Variants in LRRTM4 observed in about 807,000 individuals in gnomAD.
LRRTM4 encodes leucine-rich repeat transmembrane neuronal protein 4.
In LRRTM4, 25 loss-of-function variants were observed where a neutral mutation model predicts 47.6. That is an observed-to-expected ratio of 0.53 (90% CI 0.38 to 0.73). LRRTM4 has a LOEUF of 0.73. Ranked by LOEUF, LRRTM4 falls within the 30% of genes least tolerant of loss-of-function variation. LRRTM4 has a pLI of 0.00. For synonymous variants in LRRTM4, 311 were observed against 269.5 expected, an observed-to-expected ratio of 1.15 and a Z score of -1.51; for missense variants, 638 against 713.4, an observed-to-expected ratio of 0.89 and a Z score of 1.20.
At chr2:77,249,785 T>C (rs936604509) in intron 3 of LRRTM4, among the ~76,000 whole-genome samples, 4 of 152,194 alleles carry the variant, frequency 2.6e-5, no homozygotes, top group African/African-American at 9.7e-5. Flanking sequence ...AACATACTTT[T>C]ACCATATGAC....
intron 3 of LRRTM4, among the ~76,000 whole-genome samples, chr2:76,880,155 T>G (rs542343792): frequency 1.3e-5 from 2 of 152,250 alleles, no homozygotes; most frequent in South Asian, 2.1e-4. Flanking sequence ...TTTGAGAGGG[T>G]TGACCCCAGT....
At chr2:77,289,631 A>C (rs1004873676) in intron 3 of LRRTM4, among the ~76,000 whole-genome samples, 4 of 152,034 alleles carry the variant, frequency 2.6e-5, no homozygotes, top group Admixed American at 6.6e-5. Flanking sequence ...TTAGGTTACT[A>C]CCGACAATTT....
chr2:76,912,343 A>G (rs746067123), intron 3 of LRRTM4, among the ~76,000 whole-genome samples: 4 of 152,240 alleles, frequency 2.6e-5, no homozygotes, highest in Admixed American at 6.5e-5. Flanking sequence ...TAAAAATGAT[A>G]TAATATTCCA....
At chr2:76,755,116 A>C (rs1672982554) in intron 3 of LRRTM4, among the ~76,000 whole-genome samples, 2 of 152,172 alleles carry the variant, frequency 1.3e-5, no homozygotes, top group Admixed American at 6.5e-5. Flanking sequence ...GGTCCCTGGT[A>C]CCACTTTCAT....
chr2:77,232,629 A>T (rs1425352991), intron 3 of LRRTM4, among the ~76,000 whole-genome samples: 2 of 152,206 alleles, frequency 1.3e-5, no homozygotes, highest in East Asian at 3.9e-4. Flanking sequence ...ATAGGAGAGG[A>T]TATCTCTGAA....
rs950073173 is a variant in LRRTM4 at position 77,111,572 on chromosome 2, C to T, written c.1552-362656G>A. 2.6e-5 allele frequency among the ~76,000 whole-genome samples: 4 copies of T among 152,198 alleles called. No homozygotes were observed. In the South Asian group the frequency reaches 8.3e-4, roughly 32 times the overall value. ...ACTGTTATGAGTAGGGTGACAAAGT[C>T]TCTCTCACTCCTGTGCTGTCCTACC... is the stretch of plus-strand genomic sequence containing the variant. On this transcript the variant is annotated intron_variant, in intron 3 of 3. Transcript: ENST00000409884.
At chr2:76,855,873 A>C (rs1672134383) in intron 3 of LRRTM4, among the ~76,000 whole-genome samples, 1 of 152,168 alleles carries the variant, frequency 6.6e-6, no homozygotes, top group African/African-American at 2.4e-5. Context: ...GCAGTAGTAC[A>C]ACTCACCTAG....
chr2:77,429,839 G>A (rs555956818), intron 3 of LRRTM4, among the ~76,000 whole-genome samples: 3 of 152,350 alleles, frequency 2.0e-5, no homozygotes, highest in South Asian at 4.1e-4. Flanking sequence ...GCCGAGGCGG[G>A]TGGATTGTTT....
At chr2:76,888,061 T>C (rs151177498) in intron 3 of LRRTM4, among the ~76,000 whole-genome samples, 15 of 150,412 alleles carry the variant, frequency 1.0e-4, no homozygotes, top group African/African-American at 3.4e-4. Flanking sequence ...ATATGTGTGT[T>C]TGTATATATA....
chr2:76,860,513 G>C (rs1377924398), intron 3 of LRRTM4, among the ~76,000 whole-genome samples: 1 of 151,988 alleles, frequency 6.6e-6, no homozygotes, highest in East Asian at 1.9e-4. Flanking sequence ...TGTGCCATAG[G>C]TTAGATGAAG....
chr2:77,289,726 T>TC (rs2104124433), intron 3 of LRRTM4, among the ~76,000 whole-genome samples: 1 of 152,208 alleles, frequency 6.6e-6, no homozygotes, highest in African/African-American at 2.4e-5. Context: ...GATTACATGA[T>TC]AAGATTTTTG....
In LRRTM4 at chr2:76,748,724, C is replaced by T. The variant is rs750397919; in HGVS notation, c.1744G>A (p.Ala582Thr). 1.9e-6 allele frequency: 3 copies of T among 1,610,586 alleles called. No individual in the cohort carries two copies. The highest frequency in any genetic ancestry group is 4.5e-5 in the East Asian group (2 of 44,672). Residue 582 changes from alanine (A) to threonine (T), a missense_variant, in exon 4 of 4, where the codon GCC (alanine) becomes ACC (threonine). Coordinates refer to ENST00000409884, the MANE Select transcript of LRRTM4 (RefSeq NM_001134745.3). ...TTTGCAATTCTCTCTAGGTAGATGG[C>T]CGGTGCTGCCGACCTGGCGATGGTG... ...IATIARSAAP[A>T]IYLERIAN
intron 3 of LRRTM4, among the ~76,000 whole-genome samples, chr2:77,491,488 A>G (rs1164805852): frequency 1.3e-5 from 2 of 152,100 alleles, no homozygotes; most frequent in African/African-American, 4.8e-5. Context: ...CAAATACAAG[A>G]GTACTATAAA....
At chr2:77,165,398 TGCC>T (rs1672852260) in intron 3 of LRRTM4, among the ~76,000 whole-genome samples, 1 of 152,182 alleles carries the variant, frequency 6.6e-6, no homozygotes, top group Non-Finnish European at 1.5e-5. Context: ...GAGGAGCTGG[TGCC>T]ACTCCTTCTG....
intron 3 of LRRTM4, among the ~76,000 whole-genome samples, chr2:77,501,306 A>G (rs1678563096): frequency 1.3e-5 from 2 of 150,862 alleles, no homozygotes; most frequent in South Asian, 4.1e-4. Flanking sequence ...GTGTTTTCAT[A>G]TATATTTGTA....
At chr2:77,307,025 G>A (rs547406468) in intron 3 of LRRTM4, among the ~76,000 whole-genome samples, 3 of 148,524 alleles carry the variant, frequency 2.0e-5, no homozygotes, top group South Asian at 2.1e-4. Flanking sequence ...TCAGCCTCCC[G>A]CGTAGCTGGG....
At chr2:77,077,184 A>G (rs570570121) in intron 3 of LRRTM4, among the ~76,000 whole-genome samples, 1 of 152,348 alleles carries the variant, frequency 6.6e-6, no homozygotes, top group East Asian at 1.9e-4. Context: ...TGAGTTTGAT[A>G]TAACACTTCT....
chr2:76,969,747 A>G (rs536535474), intron 3 of LRRTM4, among the ~76,000 whole-genome samples: 1 of 152,136 alleles, frequency 6.6e-6, no homozygotes, highest in South Asian at 2.1e-4. Context: ...TTCTCAAAAT[A>G]TATCACGTAC....
intron 3 of LRRTM4, among the ~76,000 whole-genome samples, chr2:77,342,379 C>G: frequency 6.6e-6 from 1 of 151,790 alleles, no homozygotes; most frequent in East Asian, 1.9e-4. Flanking sequence ...TAATTAACAT[C>G]CTCCAATACA....
Sources: allele counts gnomAD v4.1 joint callset (sites outside exome capture counted in the v4.1 genomes callset), GRCh38; gene constraint gnomAD v4.1.1; transcripts MANE v1.5; gene names NCBI Gene and HGNC (gene_info 2026-07-23, HGNC 2026-07-21).